COPS2: variants seen among roughly 807,000 people sequenced by gnomAD.
COPS2 encodes COP9 signalosome subunit 2.
A neutral mutation model predicts 66.1 loss-of-function variants in COPS2; 10 were observed. That is an observed-to-expected ratio of 0.15 (90% CI 0.09 to 0.26). COPS2 has a LOEUF of 0.26. Ranked by LOEUF, COPS2 falls within the 10% of genes least tolerant of loss-of-function variation. The pLI, the probability that COPS2 is intolerant of heterozygous loss-of-function variation, is 1.00. For missense variants in COPS2, 215 were observed against 513.3 expected, an observed-to-expected ratio of 0.42 and a Z score of 5.62; for synonymous variants, 179 against 171.3, an observed-to-expected ratio of 1.04 and a Z score of -0.35.
At chr15:49,145,222 T>C (rs2084313309) in intron 1 of COPS2, 144 bp from the exon 2 acceptor site, 1 of 480,730 alleles carries the variant, frequency 2.1e-6, no homozygotes, top group Non-Finnish European at 3.6e-6. Context: ...AAAATGCCAC[T>C]GATATTCAAC....
At chr15:49,128,580 T>C (rs2084185766) in intron 12 of COPS2, 122 bp downstream of exon 12, 5 of 638,866 alleles carry the variant, frequency 7.8e-6, no homozygotes, top group East Asian at 2.8e-5. Flanking sequence ...TCTCTTCTAA[T>C]AGAAAACCAT....
At position 49,127,145 on chromosome 15, in the gene COPS2, C is replaced by T. The variant is rs1359724219; in HGVS notation, c.*805G>A. On this transcript the variant is annotated 3_prime_UTR_variant, in exon 13 of 13. Coordinates refer to ENST00000388901, the MANE Select transcript of COPS2 (RefSeq NM_004236.4). ...TTCCTTTAAAGCATCACTGTCATAACTATGCACGTGTTTTGTTAGAAAGTA... is the reference window on the plus strand; with the variant it reads ...TTCCTTTAAAGCATCACTGTCATAATTATGCACGTGTTTTGTTAGAAAGTA... 6.6e-6 allele frequency: 1 copy of T among 152,126 alleles called. No homozygotes were observed. The highest frequency in any genetic ancestry group is 1.5e-5 in the Non-Finnish European group (1 of 67,992). 9.4% of individuals were successfully genotyped at this position (152,126 alleles called of 1,614,324 possible).
chr15:49,135,326 T>C (rs1303294139), intron 6 of COPS2, among the ~76,000 whole-genome samples: 1 of 152,154 alleles, frequency 6.6e-6, no homozygotes, highest in Non-Finnish European at 1.5e-5. Context: ...ACTTATTCAA[T>C]TAAAAAGCCC....
In COPS2 at chr15:49,152,148, G is replaced by A. The variant is rs1226356419; in HGVS notation, c.54+3377C>T. Among the ~76,000 whole-genome samples the A allele has an allele frequency of 1.2e-4, 17 of 143,518 alleles. No individual in the cohort carries two copies. The East Asian group carries it at 1.8e-3, about 15-fold the overall frequency. The allele number at this position is 143,518 out of a possible 152,430, so 94.2% of individuals were successfully genotyped here. On this transcript the variant is annotated intron_variant, in intron 1 of 12. Coordinates refer to ENST00000388901, the MANE Select transcript of COPS2 (RefSeq NM_004236.4). ...AATCTTGAGAAAACAAGTCAATTAC[G>A]CACATTTTTTAAATACTAAGAAACA... is the stretch of plus-strand genomic sequence containing the variant.
intron 3 of COPS2, among the ~76,000 whole-genome samples, chr15:49,142,685 C>T (rs777824089): frequency 3.9e-4 from 59 of 152,168 alleles, no homozygotes; most frequent in Non-Finnish European, 6.8e-4. Context: ...GTACCTAGTC[C>T]TATCATCTCC....
intron 6 of COPS2, among the ~76,000 whole-genome samples, chr15:49,136,280 TA>T (rs1566883170): frequency 1.3e-5 from 2 of 152,182 alleles, no homozygotes; most frequent in Admixed American, 1.3e-4. Flanking sequence ...AAACTAGTAT[TA>T]AATGATGTAT....
chr15:49,132,630 G>C (rs1220530911), intron 9 of COPS2, among the ~76,000 whole-genome samples: 1 of 144,936 alleles, frequency 6.9e-6, no homozygotes, highest in African/African-American at 2.6e-5. Context: ...TTTTCCAGCT[G>C]TGGTAAAACT....
rs1397618521 is a variant in COPS2, at chr15:49,125,321, CAAGAGT to C, written c.*2623_*2628del. The C allele has an allele frequency of 6.6e-6, 1 of 152,056 alleles. No homozygotes were observed. The highest frequency in any genetic ancestry group is 6.6e-5 in the Admixed American group (1 of 15,266). 9.4% of individuals were successfully genotyped at this position (152,056 alleles called of 1,614,324 possible). A position where few individuals can be genotyped will look rare whatever the true frequency, so the allele number is the denominator to read the frequency against. On this transcript the variant is annotated 3_prime_UTR_variant, in exon 13 of 13. Coordinates refer to ENST00000388901, the MANE Select transcript of COPS2 (RefSeq NM_004236.4). ...TTAATCAACAACTTTAATGTAAGAG[CAAGAGT>C]GAGTAATGGAAATCCAGCTCTTGTA...
At chr15:49,137,552 C>T (rs1393943460) in intron 4 of COPS2, 115 bp from the exon 5 acceptor site, 7 of 732,500 alleles carry the variant, frequency 9.6e-6, no homozygotes, top group Non-Finnish European at 1.4e-5. Flanking sequence ...ATAAGATACA[C>T]TATCTGTATC....
chr15:49,124,982 AAG>A lies in COPS2; in HGVS notation c.*2966_*2967del, dbSNP rs1378639219. On this transcript the variant is annotated 3_prime_UTR_variant, in exon 13 of 13. Transcript: ENST00000388901. The stretch of plus-strand genomic sequence containing the variant: ...AAAGCATACATACCTGTGTTTACTG[AAG>A]AACTGTAACTATTGATTAAAAAAGA... 1 of 152,172 alleles carries A rather than the reference AAG, an allele frequency of 6.6e-6. No homozygotes were observed. The highest frequency in any genetic ancestry group is 2.4e-5 in the African/African-American group (1 of 41,446). The allele number at this position is 152,172 out of a possible 1,614,324, so 9.4% of individuals were successfully genotyped here. A position where few individuals can be genotyped will look rare whatever the true frequency, so the allele number is the denominator to read the frequency against.
intron 1 of COPS2, 84 bp from the exon 2 acceptor site, chr15:49,145,162 C>G: frequency 1.5e-6 from 1 of 652,556 alleles, no homozygotes; most frequent in South Asian, 2.3e-5. Flanking sequence ...GCTGTTAAGA[C>G]AGAAAAACCA....
intron 1 of COPS2, among the ~76,000 whole-genome samples, chr15:49,154,265 T>C (rs2084389591): frequency 6.6e-6 from 1 of 152,184 alleles, no homozygotes; most frequent in African/African-American, 2.4e-5. Context: ...ATACATATTC[T>C]TAATGAACTG....
intron 2 of COPS2, among the ~76,000 whole-genome samples, chr15:49,144,570 T>C (rs1056559264): frequency 2.0e-5 from 3 of 152,214 alleles, no homozygotes; most frequent in Non-Finnish European, 4.4e-5. Context: ...GAAATATTTT[T>C]TCCCCTGAAT....
intron 9 of COPS2, among the ~76,000 whole-genome samples, chr15:49,131,058 A>G (rs1489857293): frequency 6.6e-6 from 1 of 152,138 alleles, no homozygotes; most frequent in East Asian, 1.9e-4. Context: ...TTGGGGTTAT[A>G]TACTATATTT....
Position 49,123,283 on chromosome 15 carries a change from T to C in COPS2, c.*4667A>G, listed in dbSNP as rs1276711734. On this transcript the variant is annotated 3_prime_UTR_variant, in exon 13 of 13. Transcript: ENST00000388901. Reference sequence around the variant, plus strand: ...ACTCTAAACTCCCATAAAATGGATGTACAATAAAACAACCTTTAGCAATTA... The same window carrying C: ...ACTCTAAACTCCCATAAAATGGATGCACAATAAAACAACCTTTAGCAATTA... The C allele has an allele frequency of 2.6e-5, 4 of 152,182 alleles. No homozygotes were observed. The highest frequency in any genetic ancestry group is 5.9e-5 in the Non-Finnish European group (4 of 68,020). 9.4% of individuals were successfully genotyped at this position (152,182 alleles called of 1,614,324 possible).
chr15:49,152,972 A>T (rs1169155802), intron 1 of COPS2, among the ~76,000 whole-genome samples: 1 of 152,244 alleles, frequency 6.6e-6, no homozygotes, highest in Non-Finnish European at 1.5e-5. Context: ...TTCATGGGAC[A>T]AAAAGATTCT....
Position 49,137,399 on chromosome 15 carries a change from T to C in COPS2, c.411A>G (p.Glu137=), listed in dbSNP as rs771754206. 13 of 1,612,928 alleles carry C rather than the reference T, an allele frequency of 8.1e-6. No homozygotes were observed. The highest frequency in any genetic ancestry group is 1.7e-6 in the Non-Finnish European group (2 of 1,179,370). The change falls in exon 5 of 13, where the codon GAA becomes GAG. Residue 137 remains glutamate, a synonymous_variant. Coordinates refer to ENST00000388901, the MANE Select transcript of COPS2 (RefSeq NM_004236.4). ...TATCATTCTTAGCATCTTTCAAAGC[T>C]TCCAGTGTTGTTTCATAGAATTCCT... ...LLQEFYETTL[E]ALKDAKNDRL... is the part of the protein sequence containing the mutation.
At chr15:49,132,362 T>A (rs2084217070) in intron 9 of COPS2, among the ~76,000 whole-genome samples, 1 of 151,858 alleles carries the variant, frequency 6.6e-6, no homozygotes, top group South Asian at 2.1e-4. Context: ...CGCTTTTTTT[T>A]TTACAGCCAA....
At position 49,134,654 on chromosome 15, in the gene COPS2, TAAG is replaced by T. The variant is rs2084237900; in HGVS notation, c.541-143_541-141del. ...AAATTTTAATTGGGAGCTACAGTACTAAGAATACCACTTGTAATGGCCAAAAAG... is the reference window on the plus strand; with the variant it reads ...AAATTTTAATTGGGAGCTACAGTACTAATACCACTTGTAATGGCCAAAAAG... On this transcript the variant is annotated intron_variant, in intron 6 of 12. Coordinates refer to ENST00000388901, the MANE Select transcript of COPS2 (RefSeq NM_004236.4). 1.9e-5 allele frequency: 12 copies of T among 637,378 alleles called. No homozygotes were observed. The South Asian group carries it at 2.6e-4, about 14-fold the overall frequency. The allele number at this position is 637,378 out of a possible 1,614,324, so 39.5% of individuals were successfully genotyped here.
Sources: allele counts gnomAD v4.1 joint callset (sites outside exome capture counted in the v4.1 genomes callset), GRCh38; gene constraint gnomAD v4.1.1; transcripts MANE v1.5; gene names NCBI Gene and HGNC (gene_info 2026-07-23, HGNC 2026-07-21).